Variants in SRPK2 observed in about 807,000 individuals in gnomAD.
SRPK2 encodes SFRS protein kinase 2.
SRPK2 carries 21 observed loss-of-function variants against 90.8 expected under a neutral mutation model. The ratio of observed to expected loss-of-function variants is 0.23; its 90% CI spans 0.16 to 0.33. The LOEUF (loss-of-function observed/expected upper bound fraction) is 0.33. Ranked by LOEUF, SRPK2 falls within the 10% of genes least tolerant of loss-of-function variation. The pLI, the probability that SRPK2 is intolerant of heterozygous loss-of-function variation, is 1.00. For missense variants in SRPK2, 620 were observed against 869.0 expected, an observed-to-expected ratio of 0.71 and a Z score of 3.60; for synonymous variants, 288 against 311.1, an observed-to-expected ratio of 0.93 and a Z score of 0.78.
At chr7:105,328,592 C>T (rs1178441868) in intron 2 of SRPK2, among the ~76,000 whole-genome samples, 1 of 147,842 alleles carries the variant, frequency 6.8e-6, no homozygotes, top group Admixed American at 6.8e-5. Context: ...AGGCCAGGCG[C>T]AGTGGCTCAC....
upstream of SRPK2, among the ~76,000 whole-genome samples, chr7:105,390,751 C>T (rs557950502): frequency 9.2e-5 from 14 of 151,908 alleles, no homozygotes; most frequent in South Asian, 2.1e-4. Context: ...CGGCACCCAG[C>T]CTTTTTTTGT....
intron 6 of SRPK2, among the ~76,000 whole-genome samples, chr7:105,166,069 CA>C (rs1790018672): frequency 6.6e-6 from 1 of 152,154 alleles, no homozygotes; most frequent in African/African-American, 2.4e-5. Flanking sequence ...CGACTAAGGC[CA>C]TCCATCCTTT....
At chr7:105,193,575 C>T (rs1010365219) in intron 3 of SRPK2, among the ~76,000 whole-genome samples, 11 of 152,056 alleles carry the variant, frequency 7.2e-5, no homozygotes, top group African/African-American at 2.7e-4. Flanking sequence ...TGAAGAATGA[C>T]GGTAGTACTT....
At chr7:105,369,793 T>C (rs1365366617) in intron 2 of SRPK2, among the ~76,000 whole-genome samples, 1 of 152,010 alleles carries the variant, frequency 6.6e-6, no homozygotes, top group Non-Finnish European at 1.5e-5. Context: ...TTTGGGAAGA[T>C]GAAGCAGGCG....
At chr7:105,185,464 G>A (rs979191642) in intron 3 of SRPK2, among the ~76,000 whole-genome samples, 5 of 152,064 alleles carry the variant, frequency 3.3e-5, no homozygotes, top group African/African-American at 1.2e-4. Context: ...TTCATGGAGT[G>A]CAAGGGTATA....
chr7:105,225,288 T>A (rs1220307050), intron 2 of SRPK2, among the ~76,000 whole-genome samples: 2 of 152,262 alleles, frequency 1.3e-5, no homozygotes, highest in African/African-American at 4.8e-5. Context: ...AGATCTATTT[T>A]ATTTAAGGCT....
intron 2 of SRPK2, chr7:105,304,284 C>T (rs1029273310): frequency 2.6e-5 from 4 of 152,196 alleles, no homozygotes; most frequent in African/African-American, 9.6e-5. Context: ...CCCAGATTGC[C>T]TATCCAGGTT....
At chr7:105,244,962 A>G in intron 2 of SRPK2, 2 of 1,416,232 alleles carry the variant, frequency 1.4e-6, no homozygotes, top group East Asian at 2.4e-5. Context: ...CGCTGCCAAG[A>G]AAGACTGAGC....
At chr7:105,396,103 C>G (rs186555844) in intron 1 of SRPK2, among the ~76,000 whole-genome samples, 1 of 151,618 alleles carries the variant, frequency 6.6e-6, no homozygotes, top group East Asian at 2.0e-4. Context: ...TTAGTAGAGA[C>G]GGGGTTTCTC....
At chr7:105,205,712 A>G (rs1796148044) in intron 2 of SRPK2, among the ~76,000 whole-genome samples, 1 of 152,152 alleles carries the variant, frequency 6.6e-6, no homozygotes, top group South Asian at 2.1e-4. Flanking sequence ...GAGAGTTCTG[A>G]AGGAGGAGAG....
chr7:105,192,482 A>G (rs1235287189), intron 3 of SRPK2, among the ~76,000 whole-genome samples: 1 of 152,126 alleles, frequency 6.6e-6, no homozygotes, highest in Non-Finnish European at 1.5e-5. Flanking sequence ...CATTTTTGCA[A>G]TTGTGAATTG....
chr7:105,357,037 A>T (rs921667051), intron 2 of SRPK2, among the ~76,000 whole-genome samples: 4 of 143,020 alleles, frequency 2.8e-5, no homozygotes, highest in African/African-American at 1.0e-4. Context: ...GTAAACACTA[A>T]TTTTTTTTTT....
At chr7:105,307,197 T>C (rs1468691577) in intron 2 of SRPK2, among the ~76,000 whole-genome samples, 2 of 152,198 alleles carry the variant, frequency 1.3e-5, no homozygotes, top group Admixed American at 1.3e-4. Flanking sequence ...TTTTTAGTGC[T>C]ATTTTGGTAC....
At chr7:105,164,374 C>T (rs141068636) in intron 6 of SRPK2, among the ~76,000 whole-genome samples, 1,551 of 152,292 alleles carry the variant, frequency 0.01, 16 homozygotes, top group Non-Finnish European at 0.015. Flanking sequence ...TCTCATCAAA[C>T]GAGGGCAATT....
upstream of SRPK2, among the ~76,000 whole-genome samples, chr7:105,392,049 T>C (rs1822196116): frequency 6.6e-6 from 1 of 152,222 alleles, no homozygotes; most frequent in African/African-American, 2.4e-5. Context: ...TGACACATGC[T>C]ACAATGTGGA....
At chr7:105,122,131 C>A (rs1800470665) in intron 15 of SRPK2, among the ~76,000 whole-genome samples, 1 of 152,144 alleles carries the variant, frequency 6.6e-6, no homozygotes, top group African/African-American at 2.4e-5. Flanking sequence ...TGTATAAACC[C>A]TACCTCACAT....
At chr7:105,361,235 G>A (rs1301353268) in intron 2 of SRPK2, among the ~76,000 whole-genome samples, 1 of 152,102 alleles carries the variant, frequency 6.6e-6, no homozygotes, top group African/African-American at 2.4e-5. Context: ...TTGCTACAAA[G>A]AGAATACAAT....
chr7:105,183,732 T>G (rs1180186680), intron 3 of SRPK2, among the ~76,000 whole-genome samples: 1 of 152,118 alleles, frequency 6.6e-6, no homozygotes, highest in Non-Finnish European at 1.5e-5. Flanking sequence ...TCAAATGATC[T>G]GCCCACCTTG....
intron 2 of SRPK2, among the ~76,000 whole-genome samples, chr7:105,357,177 C>T (rs931537399): frequency 2.6e-5 from 4 of 151,984 alleles, no homozygotes; most frequent in Admixed American, 6.6e-5. Flanking sequence ...GCTGGGACTA[C>T]AGGCGCCCAC....
Sources: gnomAD v4.1 joint callset for allele counts (sites outside exome capture counted in the v4.1 genomes callset) on GRCh38, gnomAD v4.1.1 for gene constraint, MANE v1.5 for transcripts, NCBI Gene and HGNC (gene_info 2026-07-23, HGNC 2026-07-21) for gene names.